Variants in DOCK2 observed in about 807,000 individuals in gnomAD.
The protein encoded by DOCK2 is dedicator of cytokinesis protein 2.
In DOCK2, 87 loss-of-function variants were observed where a neutral mutation model predicts 248.9. The observed-to-expected ratio is 0.35, with a 90% CI of 0.29 to 0.42. DOCK2 has a LOEUF of 0.42. Ranked by LOEUF, DOCK2 falls within the 10% of genes least tolerant of loss-of-function variation. The pLI is 1.00. For missense variants in DOCK2, 1,747 were observed against 2,300.2 expected (o/e 0.76, Z 4.92); for synonymous variants, 805 against 821.6 (o/e 0.98, Z 0.35).
chr5:170,047,662 G>A (rs570727014), intron 40 of DOCK2, 48 bp downstream of exon 40: 72 of 1,542,068 alleles, frequency 4.7e-5, no homozygotes, highest in Admixed American at 3.1e-4. Flanking sequence ...CCAGGGCCTC[G>A]GCATCTCAGC....
At chr5:169,819,488 G>A (rs991833312) in intron 26 of DOCK2, among the ~76,000 whole-genome samples, 1 of 152,184 alleles carries the variant, frequency 6.6e-6, no homozygotes, top group Non-Finnish European at 1.5e-5. Flanking sequence ...GGTCATGGTA[G>A]CATGCACCTG....
Position 170,055,331 on chromosome 5 carries a change from G to A in DOCK2, c.4240G>A (p.Val1414Ile). 1.9e-6 allele frequency: 3 copies of A among 1,614,116 alleles called. No individual in the cohort carries two copies. The highest frequency in any genetic ancestry group is 2.5e-6 in the Non-Finnish European group (3 of 1,179,936). The change falls in exon 42 of 52, where the codon GTC (valine) becomes ATC (isoleucine). Residue 1414 changes from valine (V) to isoleucine (I), a missense_variant. By Grantham distance (29) the Val-to-Ile change is conservative. Around this residue, in one of 4 missense-constraint regions of DOCK2, gnomAD observed 513 missense variants for 586.1 expected, o/e 0.88. Coordinates refer to ENST00000520908, the MANE Select transcript of DOCK2 (RefSeq NM_004946.3). ...TATCCAGTGCTTCACTGTCCAGCCT[G>A]TCTTGGATGAACATCCCAGGTTCAA... ...QYIQCFTVQP[V>I]LDEHPRFKNK...
intron 10 of DOCK2, among the ~76,000 whole-genome samples, chr5:169,696,968 A>G (rs988493367): frequency 1.3e-5 from 2 of 152,046 alleles, no homozygotes; most frequent in Non-Finnish European, 2.9e-5. Context: ...TACTGCTCTA[A>G]AATGCTCTGA....
At chr5:169,686,863 G>A (rs1340224824) in intron 8 of DOCK2, among the ~76,000 whole-genome samples, 8 of 152,176 alleles carry the variant, frequency 5.3e-5, no homozygotes, top group Admixed American at 5.2e-4. Flanking sequence ...AGCAGTTCAG[G>A]TATCAGGCTA....
intron 25 of DOCK2, among the ~76,000 whole-genome samples, chr5:169,800,591 T>G (rs1311783957): frequency 6.6e-6 from 1 of 152,214 alleles, no homozygotes; most frequent in Non-Finnish European, 1.5e-5. Context: ...ATACTCTTAT[T>G]AGATCCTATA....
At chr5:169,911,333 A>T (rs1774586693) in intron 27 of DOCK2, among the ~76,000 whole-genome samples, 1 of 152,120 alleles carries the variant, frequency 6.6e-6, no homozygotes, top group South Asian at 2.1e-4. Flanking sequence ...ATTTCTGTTT[A>T]TTAGAGAACT....
At chr5:169,898,249 C>A (rs917451189) in intron 27 of DOCK2, among the ~76,000 whole-genome samples, 1 of 152,202 alleles carries the variant, frequency 6.6e-6, no homozygotes, top group Non-Finnish European at 1.5e-5. Flanking sequence ...CAACTGGCTG[C>A]CATGGTCTCC....
chr5:169,800,787 G>C (rs1164141145), intron 25 of DOCK2, among the ~76,000 whole-genome samples: 2 of 152,108 alleles, frequency 1.3e-5, no homozygotes, highest in Non-Finnish European at 2.9e-5. Flanking sequence ...GAAATGCTGA[G>C]GAACTAGTTA....
chr5:169,699,671 T>G (rs1245728700), intron 12 of DOCK2, among the ~76,000 whole-genome samples: 2 of 152,238 alleles, frequency 1.3e-5, no homozygotes, highest in Non-Finnish European at 2.9e-5. Context: ...AGAGAGGAAT[T>G]GATACATCCT....
Position 169,978,439 on chromosome 5 carries a change from G to C in DOCK2, c.2800-4629G>C, listed in dbSNP as rs1777812623. Among the ~76,000 whole-genome samples, 2 of 144,344 alleles carry C rather than the reference G, an allele frequency of 1.4e-5. 1 individual carries two copies. Among genetic ancestry groups the C allele is most frequent in the South Asian group, 4.4e-4 (2 of 4,552 alleles). 94.7% of individuals were successfully genotyped at this position (144,344 alleles called of 152,430 possible). ...TGTTTGCATTAGAGGTTGTTAAATA[G>C]ATATGTTTAAGTTGAATGTTGTACA... On this transcript the variant is annotated intron_variant, in intron 27 of 51. Transcript: ENST00000520908.
At chr5:169,729,183 A>G (rs1027382752) in intron 22 of DOCK2, among the ~76,000 whole-genome samples, 2 of 152,208 alleles carry the variant, frequency 1.3e-5, no homozygotes, top group African/African-American at 4.8e-5. Flanking sequence ...AACATACCGG[A>G]TAAGAAGGGT....
intron 13 of DOCK2, among the ~76,000 whole-genome samples, chr5:169,700,867 C>T (rs552384938): frequency 4.1e-5 from 6 of 146,170 alleles, no homozygotes; most frequent in Non-Finnish European, 6.0e-5. Flanking sequence ...GGAGAGAGGG[C>T]GGCGGGCGGG....
rs543310367 is a variant in DOCK2, at chr5:169,942,714, G to C, written c.2800-40354G>C. On this transcript the variant is annotated intron_variant, in intron 27 of 51. Coordinates refer to ENST00000520908, the MANE Select transcript of DOCK2 (RefSeq NM_004946.3). ...CAGAGAAATAGAGGACACAGCTCCT[G>C]CCCTCCACATTGGTCGGAGAGACCA... 1.7e-4 allele frequency among the ~76,000 whole-genome samples: 26 copies of C among 152,260 alleles called. 1 individual carries two copies. The East Asian group carries it at 4.6e-3, about 27-fold the overall frequency.
chr5:169,940,694 G>T (rs1776205967), intron 27 of DOCK2, among the ~76,000 whole-genome samples: 1 of 152,168 alleles, frequency 6.6e-6, no homozygotes, highest in South Asian at 2.1e-4. Context: ...GCTTCTGTGA[G>T]AATCTAATCC....
intron 27 of DOCK2, chr5:169,864,162 G>C (rs1771385033): frequency 1.0e-6 from 1 of 961,074 alleles, no homozygotes; most frequent in African/African-American, 1.6e-5. Flanking sequence ...AGGCCAAGGG[G>C]CTCACAGCCC....
At chr5:170,005,264 C>T (rs1282867120) in intron 30 of DOCK2, among the ~76,000 whole-genome samples, 1 of 152,022 alleles carries the variant, frequency 6.6e-6, no homozygotes, top group East Asian at 1.9e-4. Context: ...TGTAGCAGGG[C>T]AGACAGAAAA....
chr5:170,023,494 A>C (rs966019321), intron 33 of DOCK2, among the ~76,000 whole-genome samples: 31 of 152,136 alleles, frequency 2.0e-4, no homozygotes, highest in Admixed American at 1.2e-3. Context: ...TTATAAGCTG[A>C]ATCAATGTGG....
At chr5:170,034,002 C>T (rs1756234228) in intron 34 of DOCK2, among the ~76,000 whole-genome samples, 2 of 152,160 alleles carry the variant, frequency 1.3e-5, no homozygotes, top group South Asian at 4.1e-4. Context: ...TATATCTTTG[C>T]ATACTTCTGA....
intron 27 of DOCK2, among the ~76,000 whole-genome samples, chr5:169,897,005 T>C (rs1474589752): frequency 1.3e-5 from 2 of 152,202 alleles, no homozygotes; most frequent in African/African-American, 4.8e-5. Flanking sequence ...ACTTAGTGCT[T>C]AGTGCTAGAC....
Sources: allele counts gnomAD v4.1 joint callset (sites outside exome capture counted in the v4.1 genomes callset), GRCh38; gene constraint gnomAD v4.1.1; regional missense constraint gnomAD v4.1.1; transcripts MANE v1.5; gene names NCBI Gene and HGNC (gene_info 2026-07-23, HGNC 2026-07-21).